The following CLYBL variants were observed in gnomAD, a reference collection of about 807,000 sequenced individuals.
CLYBL encodes citramalyl-CoA lyase.
Under a neutral mutation model 38.9 loss-of-function variants are expected in CLYBL, and 31 were observed. That is an observed-to-expected ratio of 0.80 (90% CI 0.60 to 1.08). The LOEUF (loss-of-function observed/expected upper bound fraction) is 1.08. CLYBL is among the 50% of genes least tolerant of loss of function. CLYBL has a pLI of 0.00. For missense variants in CLYBL, 434 were observed against 411.6 expected (o/e 1.05, Z -0.47); for synonymous variants, 171 against 158.6 (o/e 1.08, Z -0.59).
intron 2 of CLYBL, among the ~76,000 whole-genome samples, chr13:99,798,991 A>G (rs2050076645): frequency 6.6e-6 from 1 of 152,242 alleles, no homozygotes; most frequent in Admixed American, 6.5e-5. Flanking sequence ...TTTGACAATA[A>G]CAAAGAAAAT....
At chr13:99,750,851 C>T (rs1270445502) in intron 1 of CLYBL, among the ~76,000 whole-genome samples, 1 of 151,552 alleles carries the variant, frequency 6.6e-6, no homozygotes, top group Admixed American at 6.6e-5. Flanking sequence ...GGTTGTAAAA[C>T]AGCTCTTCAG....
chr13:99,617,064 A>G (rs74114826), intron 1 of CLYBL, among the ~76,000 whole-genome samples: 306 of 152,302 alleles, frequency 2.0e-3, no homozygotes, highest in African/African-American at 6.9e-3. Flanking sequence ...GTCTGTCTTA[A>G]CTGTTTCTCC....
At chr13:99,898,718 G>A (rs1055968125), downstream of CLYBL, among the ~76,000 whole-genome samples, 1 of 152,128 alleles carries the variant, frequency 6.6e-6, no homozygotes, top group African/African-American at 2.4e-5. Flanking sequence ...CCCAACAAAC[G>A]CCAAAGCATT....
intron 1 of CLYBL, among the ~76,000 whole-genome samples, chr13:99,681,324 T>C (rs1356268998): frequency 6.6e-6 from 1 of 152,176 alleles, no homozygotes; most frequent in Non-Finnish European, 1.5e-5. Flanking sequence ...TGGGGAACCA[T>C]TTAAGAGTAT....
At chr13:99,818,545 T>G (rs1293430194) in intron 2 of CLYBL, among the ~76,000 whole-genome samples, 1 of 151,994 alleles carries the variant, frequency 6.6e-6, no homozygotes, top group East Asian at 1.9e-4. Flanking sequence ...GGCACTACTA[T>G]TATGCTAATC....
intron 1 of CLYBL, among the ~76,000 whole-genome samples, chr13:99,665,971 C>T (rs1419006036): frequency 6.6e-6 from 1 of 152,144 alleles, no homozygotes; most frequent in Non-Finnish European, 1.5e-5. Context: ...TGAGCTCATT[C>T]AGTTAATCTG....
chr13:99,613,063 T>TAATAAC (rs948871504), intron 1 of CLYBL, among the ~76,000 whole-genome samples: 2 of 147,880 alleles, frequency 1.4e-5, no homozygotes, highest in African/African-American at 5.0e-5. Flanking sequence ...ATAATAATAA[T>TAATAAC]AACAAAATTC....
intron 2 of CLYBL, among the ~76,000 whole-genome samples, chr13:99,851,297 G>A (rs1401691800): frequency 1.3e-5 from 2 of 151,140 alleles, no homozygotes; most frequent in East Asian, 3.9e-4. Flanking sequence ...AGTACGGGAG[G>A]CGGAGGTTGC....
intron 2 of CLYBL, among the ~76,000 whole-genome samples, chr13:99,775,410 A>G (rs148149713): frequency 7.2e-5 from 11 of 152,318 alleles, no homozygotes; most frequent in African/African-American, 2.6e-4. Flanking sequence ...ACATATGTCC[A>G]CATCGAGTCT....
chr13:99,864,196 C>T (rs1190906122), intron 4 of CLYBL, among the ~76,000 whole-genome samples: 2 of 136,360 alleles, frequency 1.5e-5, no homozygotes, highest in African/African-American at 2.6e-5. Flanking sequence ...ACCGGTTCCT[C>T]GTTTCTTTCC....
At chr13:99,635,879 AAT>A (rs752598537) in intron 1 of CLYBL, among the ~76,000 whole-genome samples, 2 of 152,214 alleles carry the variant, frequency 1.3e-5, no homozygotes, top group African/African-American at 2.4e-5. Flanking sequence ...GACTAAAGAT[AAT>A]ATATATAAAG....
chr13:99,800,109 A>G (rs774330135), intron 2 of CLYBL, among the ~76,000 whole-genome samples: 4 of 152,156 alleles, frequency 2.6e-5, no homozygotes, highest in Non-Finnish European at 5.9e-5. Context: ...CCTCACTGGC[A>G]TCTATTTTTC....
At chr13:99,745,676 T>C (rs2048836016) in intron 1 of CLYBL, among the ~76,000 whole-genome samples, 1 of 152,204 alleles carries the variant, frequency 6.6e-6, no homozygotes. Context: ...AAAACAATCT[T>C]AATCTTATCA....
intron 2 of CLYBL, among the ~76,000 whole-genome samples, chr13:99,837,247 C>T (rs947424256): frequency 2.7e-4 from 41 of 151,932 alleles, no homozygotes; most frequent in African/African-American, 9.9e-4. Flanking sequence ...CAGGAGTTTG[C>T]GACCAGCCTG....
At chr13:99,824,570 G>C (rs1594205409) in intron 2 of CLYBL, among the ~76,000 whole-genome samples, 1 of 152,112 alleles carries the variant, frequency 6.6e-6, no homozygotes, top group South Asian at 2.1e-4. Flanking sequence ...AGCCCAGCCT[G>C]CCTCTCCTCT....
intron 1 of CLYBL, among the ~76,000 whole-genome samples, chr13:99,696,233 C>CTTT (rs778242975): frequency 4.9e-5 from 7 of 141,528 alleles, no homozygotes; most frequent in Non-Finnish European, 9.3e-5. Context: ...ATGTCAGAGA[C>CTTT]TTTTTTTTTT....
At chr13:99,612,647 G>A (rs889539357) in intron 1 of CLYBL, among the ~76,000 whole-genome samples, 8 of 151,954 alleles carry the variant, frequency 5.3e-5, no homozygotes, top group South Asian at 4.2e-4. Context: ...CTTGGCCTCC[G>A]AAAGTGCTGG....
chr13:99,624,620 G>T (rs1338035726), intron 1 of CLYBL, among the ~76,000 whole-genome samples: 3 of 152,192 alleles, frequency 2.0e-5, no homozygotes, highest in Non-Finnish European at 4.4e-5. Flanking sequence ...GGTTTATGCA[G>T]TTGAGTTGTG....
At chr13:99,645,234 C>T (rs1001276554) in intron 1 of CLYBL, among the ~76,000 whole-genome samples, 1 of 152,180 alleles carries the variant, frequency 6.6e-6, no homozygotes, top group African/African-American at 2.4e-5. Context: ...CAGTGGCTCA[C>T]GCCTGTAATC....
Sources: allele counts gnomAD v4.1 joint callset (sites outside exome capture counted in the v4.1 genomes callset), GRCh38; gene constraint gnomAD v4.1.1; transcripts MANE v1.5; gene names NCBI Gene and HGNC (gene_info 2026-07-23, HGNC 2026-07-21).